The following GRID2 variants were observed in gnomAD, a reference collection of about 807,000 sequenced individuals.
GRID2 encodes the protein glutamate receptor ionotropic, delta-2.
Under a neutral mutation model 114.8 loss-of-function variants are expected in GRID2, and 33 were observed. The ratio of observed to expected loss-of-function variants is 0.29; its 90% CI spans 0.22 to 0.38. The LOEUF (loss-of-function observed/expected upper bound fraction) is 0.38. Among genes scored for constraint, GRID2 ranks in the 10% least tolerant of loss-of-function variants. GRID2 has a pLI of 1.00. For synonymous variants in GRID2, 505 were observed against 449.9 expected (o/e 1.12, Z -1.55); for missense variants, 1,184 against 1,257.7 (o/e 0.94, Z 0.89).
intron 11 of GRID2, among the ~76,000 whole-genome samples, chr4:93,461,044 T>TTACC (rs1423846618): frequency 6.6e-6 from 1 of 152,178 alleles, no homozygotes; most frequent in African/African-American, 2.4e-5. Flanking sequence ...GAATTACCCA[T>TTACC]ATGGTTAGCA....
chr4:93,451,909 T>C (rs1475545623), intron 10 of GRID2, among the ~76,000 whole-genome samples: 1 of 152,158 alleles, frequency 6.6e-6, no homozygotes, highest in African/African-American at 2.4e-5. Flanking sequence ...AAGTATGATG[T>C]TGGCCATGTT....
intron 2 of GRID2, among the ~76,000 whole-genome samples, chr4:92,901,824 TG>T (rs1397101728): frequency 6.0e-5 from 9 of 149,614 alleles, no homozygotes; most frequent in African/African-American, 1.7e-4. Flanking sequence ...ATTATCTTTT[TG>T]TGTGTGTGTG....
At chr4:92,354,161 C>T (rs1262620045) in intron 1 of GRID2, among the ~76,000 whole-genome samples, 2 of 152,010 alleles carry the variant, frequency 1.3e-5, no homozygotes, top group Non-Finnish European at 2.9e-5. Context: ...GCGTTCCTCA[C>T]TGGGAACATG....
chr4:92,427,758 A>T (rs1732231385), intron 1 of GRID2, among the ~76,000 whole-genome samples: 1 of 147,512 alleles, frequency 6.8e-6, no homozygotes, highest in Non-Finnish European at 1.5e-5. Context: ...TAAGCCCAAC[A>T]CAGTACAAAG....
intron 2 of GRID2, among the ~76,000 whole-genome samples, chr4:92,964,786 T>C (rs1753030683): frequency 6.6e-6 from 1 of 152,014 alleles, no homozygotes; most frequent in Non-Finnish European, 1.5e-5. Context: ...ACTTAGGGCC[T>C]TTCCTTAGAT....
intron 2 of GRID2, among the ~76,000 whole-genome samples, chr4:92,968,373 T>C (rs1363796689): frequency 2.0e-5 from 3 of 151,972 alleles, no homozygotes; most frequent in Admixed American, 6.6e-5. Flanking sequence ...TCAATTTTAC[T>C]ATTCTGGATT....
chr4:92,728,344 G>A (rs768172503), intron 2 of GRID2, among the ~76,000 whole-genome samples: 3 of 152,038 alleles, frequency 2.0e-5, no homozygotes, highest in African/African-American at 4.8e-5. Context: ...ACTTATCTGG[G>A]TAAGTCTGAT....
chr4:92,648,797 A>G (rs913967030), intron 2 of GRID2, among the ~76,000 whole-genome samples: 3 of 148,732 alleles, frequency 2.0e-5, no homozygotes, highest in Admixed American at 6.7e-5. Context: ...TTCATTTACT[A>G]TATCAGTTCA....
intron 1 of GRID2, among the ~76,000 whole-genome samples, chr4:92,459,255 G>A (rs544498549): frequency 1.3e-5 from 2 of 152,116 alleles, no homozygotes; most frequent in Non-Finnish European, 2.9e-5. Flanking sequence ...ATTCAAATAT[G>A]TAAGTCATAT....
At chr4:92,713,656 G>A (rs1250730823) in intron 2 of GRID2, among the ~76,000 whole-genome samples, 2 of 151,444 alleles carry the variant, frequency 1.3e-5, no homozygotes, top group Middle Eastern at 3.2e-3. Flanking sequence ...GGCTGGGGAG[G>A]CCTCACAATT....
chr4:93,779,781 C>A (rs1401616339), intron 1 of GRID2, among the ~76,000 whole-genome samples: 1 of 152,096 alleles, frequency 6.6e-6, no homozygotes, highest in Admixed American at 6.5e-5. Context: ...ACAGTGCAAC[C>A]ATAGGACAAG....
chr4:93,550,932 G>A (rs1009657369), intron 13 of GRID2, among the ~76,000 whole-genome samples: 12 of 152,106 alleles, frequency 7.9e-5, no homozygotes, highest in Admixed American at 6.6e-4. Context: ...AGGCACTATA[G>A]AATAACGGTT....
chr4:93,425,277 T>G (rs1768729451), intron 10 of GRID2, among the ~76,000 whole-genome samples: 1 of 152,198 alleles, frequency 6.6e-6, no homozygotes, highest in South Asian at 2.1e-4. Context: ...TGAAAAGGAT[T>G]GATTTTTGCT....
chr4:93,158,448 G>C (rs1737376352), intron 4 of GRID2, among the ~76,000 whole-genome samples: 1 of 151,740 alleles, frequency 6.6e-6, no homozygotes, highest in African/African-American at 2.4e-5. Flanking sequence ...TGGGGAAAGA[G>C]AAAGGAGAAG....
At chr4:93,427,770 A>G (rs952083095) in intron 10 of GRID2, among the ~76,000 whole-genome samples, 3 of 152,074 alleles carry the variant, frequency 2.0e-5, no homozygotes, top group African/African-American at 7.2e-5. Context: ...ATAATATAGT[A>G]AAGTCTCCTC....
chr4:92,385,786 T>C (rs1049393212), intron 1 of GRID2, among the ~76,000 whole-genome samples: 3 of 151,372 alleles, frequency 2.0e-5, no homozygotes, highest in Non-Finnish European at 3.0e-5. Flanking sequence ...TTTTCATGTA[T>C]TGTTTTCAAT....
At chr4:93,788,958 G>C (rs961300980) in intron 1 of GRID2, among the ~76,000 whole-genome samples, 2 of 152,170 alleles carry the variant, frequency 1.3e-5, no homozygotes, top group Non-Finnish European at 2.9e-5. Flanking sequence ...ACTACTCCTT[G>C]ACAACACAAT....
intron 2 of GRID2, among the ~76,000 whole-genome samples, chr4:92,829,332 A>G (rs1035519894): frequency 6.6e-6 from 1 of 152,104 alleles, no homozygotes; most frequent in Non-Finnish European, 1.5e-5. Flanking sequence ...ACACATATGC[A>G]AAAAAGGTCA....
intron 4 of GRID2, among the ~76,000 whole-genome samples, chr4:93,158,743 A>G (rs1737405066): frequency 6.6e-6 from 1 of 151,796 alleles, no homozygotes; most frequent in African/African-American, 2.4e-5. Flanking sequence ...AGAATGTGGA[A>G]TATGTGTAGA....
Sources: gnomAD v4.1 joint callset for allele counts (sites outside exome capture counted in the v4.1 genomes callset) on GRCh38, gnomAD v4.1.1 for gene constraint, MANE v1.5 for transcripts, NCBI Gene and HGNC (gene_info 2026-07-23, HGNC 2026-07-21) for gene names.